Variants in CARHSP1 observed in about 807,000 individuals in gnomAD.
CARHSP1 encodes calcium-regulated heat-stable protein 1.
In CARHSP1, 14 loss-of-function variants were observed where a neutral mutation model predicts 12.5. The observed-to-expected ratio is 1.12, with a 90% CI of 0.74 to 1.75. CARHSP1 has a LOEUF of 1.75. Among genes scored for constraint, CARHSP1 ranks in the 40% most tolerant of loss-of-function variants. The pLI, the probability that CARHSP1 is intolerant of heterozygous loss-of-function variation, is 0.00. For missense variants in CARHSP1, 343 were observed against 201.6 expected (o/e 1.70, Z -4.25); for synonymous variants, 161 against 82.0 (o/e 1.96, Z -5.20).
intron 1 of CARHSP1, among the ~76,000 whole-genome samples, chr16:8,865,790 G>A (rs2061444785): frequency 6.6e-6 from 1 of 152,180 alleles, no homozygotes. Flanking sequence ...GACCCAACAG[G>A]GGAGGCACTT....
intron 1 of CARHSP1, among the ~76,000 whole-genome samples, chr16:8,862,736 G>A (rs1216631269): frequency 6.6e-6 from 1 of 152,202 alleles, no homozygotes; most frequent in Non-Finnish European, 1.5e-5. Context: ...GAAACCATGT[G>A]ATGGGTGGGG....
chr16:8,855,555 C>G (rs896496108), intron 3 of CARHSP1, among the ~76,000 whole-genome samples: 1 of 152,204 alleles, frequency 6.6e-6, no homozygotes, highest in African/African-American at 2.4e-5. Flanking sequence ...TTCCCTGGGA[C>G]TTTTGATGCT....
At chr16:8,864,808 G>A (rs910596511) in intron 1 of CARHSP1, among the ~76,000 whole-genome samples, 11 of 152,192 alleles carry the variant, frequency 7.2e-5, no homozygotes, top group Admixed American at 4.6e-4. Flanking sequence ...GGCCTCGGCC[G>A]AAAATAGCCT....
intron 1 of CARHSP1, among the ~76,000 whole-genome samples, chr16:8,861,342 G>A (rs761899427): frequency 4.6e-5 from 7 of 151,332 alleles, no homozygotes; most frequent in African/African-American, 7.3e-5. Flanking sequence ...ACATCCCAGG[G>A]GGTTTCCTCA....
At chr16:8,868,598 C>T (rs1212379650) in intron 1 of CARHSP1, 1 of 151,494 alleles carries the variant, frequency 6.6e-6, no homozygotes, top group African/African-American at 2.4e-5. Context: ...GCGACGCCCC[C>T]CGCGCCTCGC....
chr16:8,857,550 C>T (rs1167383833), intron 3 of CARHSP1: 1 of 149,934 alleles, frequency 6.7e-6, no homozygotes, highest in East Asian at 2.0e-4. Flanking sequence ...CCTCCGCCTC[C>T]CAAAGTGCTG....
intron 1 of CARHSP1, chr16:8,860,634 GT>G: frequency 2.9e-6 from 1 of 344,546 alleles, no homozygotes. Flanking sequence ...GGTGATGGGG[GT>G]ACGAGATGAA....
At chr16:8,862,547 AACAG>A (rs142967022) in intron 1 of CARHSP1, among the ~76,000 whole-genome samples, 2,103 of 152,300 alleles carry the variant, frequency 0.014, 37 homozygotes, top group African/African-American at 0.047. Context: ...GCTGTAAAGA[AACAG>A]ACAGAAGGGG....
intron 1 of CARHSP1, chr16:8,861,640 G>C: frequency 1.6e-6 from 2 of 1,289,122 alleles, no homozygotes; most frequent in Non-Finnish European, 2.0e-6. Context: ...TGGCTGGCTT[G>C]CCTTCTGGAG....
chr16:8,855,700 GA>G (rs1181861436), intron 3 of CARHSP1, among the ~76,000 whole-genome samples: 1 of 152,220 alleles, frequency 6.6e-6, no homozygotes, highest in Non-Finnish European at 1.5e-5. Context: ...GGCCATCATG[GA>G]GTGAGAATCC....
chr16:8,867,455 C>T (rs2061471799), intron 1 of CARHSP1: 1 of 152,260 alleles, frequency 6.6e-6, no homozygotes, highest in South Asian at 2.1e-4. Context: ...GTGGAAGTGT[C>T]AGGCACGGGC....
rs1012754392 is a variant in CARHSP1, at chr16:8,868,987, C to T, written c.-29G>A. On this transcript the variant is annotated 5_prime_UTR_variant, in exon 1 of 4. Transcript: ENST00000311052. ...CTACCCTGCAATCCGTTCTGCTCCGCCAGCCGCTTCGCTCCGACTGAGAGC... is the reference window on the plus strand; with the variant it reads ...CTACCCTGCAATCCGTTCTGCTCCGTCAGCCGCTTCGCTCCGACTGAGAGC... The T allele has an allele frequency of 6.6e-6, 1 of 152,004 alleles. No homozygotes were observed. Among genetic ancestry groups the T allele is most frequent in the Admixed American group, 6.5e-5 (1 of 15,282 alleles). 9.4% of individuals were successfully genotyped at this position (152,004 alleles called of 1,614,324 possible). A position where few individuals can be genotyped will look rare whatever the true frequency, so the allele number is the denominator to read the frequency against.
chr16:8,860,346 A>T (rs1353204527), intron 1 of CARHSP1: 3 of 985,306 alleles, frequency 3.0e-6, no homozygotes, highest in South Asian at 4.7e-5. Context: ...GACCCCTAGT[A>T]TGTACCGGTA....
chr16:8,858,310 C>T (rs1263435314), intron 3 of CARHSP1, 40 bp downstream of exon 3: 1 of 1,604,680 alleles, frequency 6.2e-7, no homozygotes, highest in Middle Eastern at 1.8e-4. Flanking sequence ...CAAGGAAGCG[C>T]CCACCCCAGC....
intron 1 of CARHSP1, among the ~76,000 whole-genome samples, chr16:8,866,700 G>A (rs1031671951): frequency 1.3e-5 from 2 of 151,486 alleles, no homozygotes; most frequent in African/African-American, 2.4e-5. Flanking sequence ...AGAGAGAGAG[G>A]AGGGGGAGGG....
At chr16:8,867,121 AG>A (rs1257575126) in intron 1 of CARHSP1, 1 of 152,274 alleles carries the variant, frequency 6.6e-6, no homozygotes, top group Admixed American at 6.6e-5. Flanking sequence ...CGCCCGCCCC[AG>A]TTCTCAGCCT....
At chr16:8,863,072 G>C (rs893364775) in intron 1 of CARHSP1, among the ~76,000 whole-genome samples, 2 of 149,716 alleles carry the variant, frequency 1.3e-5, no homozygotes, top group Non-Finnish European at 1.5e-5. Flanking sequence ...CTGGCACAGA[G>C]CAGGGTCTCC....
At chr16:8,864,297 G>A (rs758065483) in intron 1 of CARHSP1, among the ~76,000 whole-genome samples, 8 of 151,564 alleles carry the variant, frequency 5.3e-5, no homozygotes, top group African/African-American at 9.7e-5. Flanking sequence ...TCCATGGAGC[G>A]GGGAGCCTCA....
chr16:8,856,082 T>A (rs1458022865), intron 3 of CARHSP1, among the ~76,000 whole-genome samples: 2 of 152,146 alleles, frequency 1.3e-5, no homozygotes, highest in Non-Finnish European at 2.9e-5. Context: ...GTGCTGGGAT[T>A]ACAAGCGTGA....
Sources: gnomAD v4.1 joint callset for allele counts (sites outside exome capture counted in the v4.1 genomes callset) on GRCh38, gnomAD v4.1.1 for gene constraint, MANE v1.5 for transcripts, NCBI Gene and HGNC (gene_info 2026-07-23, HGNC 2026-07-21) for gene names.